UBXN8: variants seen among roughly 807,000 people sequenced by gnomAD.
UBXN8 encodes UBX domain protein 8.
In UBXN8, 27 loss-of-function variants were observed where a neutral mutation model predicts 32.1. The ratio of observed to expected loss-of-function variants is 0.84; its 90% CI spans 0.62 to 1.16. The LOEUF is 1.16. Among genes scored for constraint, UBXN8 ranks in the 50% most tolerant of loss-of-function variants. The pLI, the probability that UBXN8 is intolerant of heterozygous loss-of-function variation, is 0.00. For synonymous variants in UBXN8, 109 were observed against 111.8 expected (o/e 0.98, Z 0.16); for missense variants, 306 against 311.4 (o/e 0.98, Z 0.13).
chr8:30,744,089 C>A, upstream of UBXN8: 1 of 1,019,592 alleles, frequency 9.8e-7, no homozygotes, highest in Non-Finnish European at 1.5e-6. Flanking sequence ...CGTTATTGAC[C>A]CTCTCCCAGC....
At chr8:30,749,072 A>C (rs1805441510) in intron 1 of UBXN8, among the ~76,000 whole-genome samples, 1 of 152,174 alleles carries the variant, frequency 6.6e-6, no homozygotes, top group South Asian at 2.1e-4. Context: ...TTTCTGCTCA[A>C]ATAATTTTCA....
intron 6 of UBXN8, among the ~76,000 whole-genome samples, chr8:30,762,126 C>T (rs374722183): frequency 2.7e-5 from 4 of 148,640 alleles, no homozygotes; most frequent in East Asian, 2.0e-4. Context: ...TGTCTTGGCA[C>T]GATCATAGCT....
At chr8:30,729,149 G>T (rs1804888550), upstream of UBXN8, among the ~76,000 whole-genome samples, 1 of 152,250 alleles carries the variant, frequency 6.6e-6, no homozygotes, top group Non-Finnish European at 1.5e-5. Flanking sequence ...GGGGGCTTAG[G>T]CCTGCCCTGT....
intron 5 of UBXN8, among the ~76,000 whole-genome samples, chr8:30,758,957 G>T (rs1162847854): frequency 7.3e-6 from 1 of 136,792 alleles, no homozygotes; most frequent in Non-Finnish European, 1.5e-5. Context: ...GCAGTGGCGT[G>T]ATCTCGGCTC....
At chr8:30,747,894 C>CTTTTTTTTTT (rs67334347) in intron 1 of UBXN8, among the ~76,000 whole-genome samples, 238 of 35,610 alleles carry the variant, frequency 6.7e-3, no homozygotes, top group Middle Eastern at 0.042. Flanking sequence ...TATATTTTTT[C>CTTTTTTTTTT]TTTTTTTTTT....
In UBXN8 at chr8:30,753,054, G is replaced by A; in HGVS notation, c.231G>A (p.Glu77=). The part of the protein sequence containing the change: ...VYLKEEEEKN[E]KRQKLVRKKQ... ...TCTTAGAAGAAGAAGAAAAGAATGA[G>A]AAAAGACAAAAACTTGTGAGAAAAA... The change falls in exon 3 of 8, where the codon GAG becomes GAA. Residue 77 remains glutamate (E), a synonymous_variant. Coordinates refer to ENST00000265616, the MANE Select transcript of UBXN8 (RefSeq NM_005671.4). 1 of 1,526,586 alleles carries A rather than the reference G, an allele frequency of 6.6e-7. No individual in the cohort carries two copies. The highest frequency in any genetic ancestry group is 1.3e-5 in the South Asian group (1 of 76,524). 94.6% of individuals were successfully genotyped at this position (1,526,586 alleles called of 1,614,324 possible).
chr8:30,737,075 A>G (rs977012609), intron 1 of UBXN8, among the ~76,000 whole-genome samples: 2 of 152,326 alleles, frequency 1.3e-5, no homozygotes, highest in African/African-American at 4.8e-5. Flanking sequence ...ATTTTCATAT[A>G]TTTAGAAAAA....
At chr8:30,746,743 C>T (rs1206223418) in intron 1 of UBXN8, among the ~76,000 whole-genome samples, 1 of 138,548 alleles carries the variant, frequency 7.2e-6, no homozygotes, top group Non-Finnish European at 1.5e-5. Flanking sequence ...CCAGGTTGGT[C>T]TCCAACTCCT....
At chr8:30,737,849 A>G (rs1805102011) in intron 1 of UBXN8, among the ~76,000 whole-genome samples, 1 of 152,192 alleles carries the variant, frequency 6.6e-6, no homozygotes, top group African/African-American at 2.4e-5. Context: ...CCCTGTTAAA[A>G]CAACAACAAC....
At chr8:30,732,553 T>G (rs1164200640), upstream of UBXN8, 1 of 305,634 alleles carries the variant, frequency 3.3e-6, no homozygotes, top group Admixed American at 5.0e-5. Flanking sequence ...TTGTATGAGG[T>G]CACAAAGGGG....
At chr8:30,742,474 T>C (rs1009963518), upstream of UBXN8, among the ~76,000 whole-genome samples, 6 of 152,036 alleles carry the variant, frequency 3.9e-5, no homozygotes, top group African/African-American at 1.4e-4. Flanking sequence ...CCTCAGCCTC[T>C]TGAGTAGCTG....
chr8:30,761,953 G>C (rs1002450045), intron 6 of UBXN8, among the ~76,000 whole-genome samples: 6 of 151,776 alleles, frequency 4.0e-5, no homozygotes, highest in African/African-American at 1.5e-4. Context: ...ACTTCCTAAT[G>C]TATGGGGAGC....
chr8:30,731,908 GT>G (rs1270229380), upstream of UBXN8, among the ~76,000 whole-genome samples: 5 of 152,166 alleles, frequency 3.3e-5, no homozygotes, highest in Admixed American at 6.5e-5. Flanking sequence ...CTACAGGCTG[GT>G]ACAGGATTTG....
At chr8:30,761,571 G>T (rs571197893) in intron 6 of UBXN8, among the ~76,000 whole-genome samples, 12 of 152,136 alleles carry the variant, frequency 7.9e-5, no homozygotes, top group Non-Finnish European at 1.8e-4. Flanking sequence ...CAGAACTTTA[G>T]GTCAGAAAAT....
chr8:30,764,794 G>A (rs917335862), intron 7 of UBXN8, among the ~76,000 whole-genome samples: 1 of 152,188 alleles, frequency 6.6e-6, no homozygotes, highest in Non-Finnish European at 1.5e-5. Context: ...GCTCACGCCT[G>A]TAATCCCAGC....
chr8:30,758,649 G>T (rs749371715), intron 5 of UBXN8, among the ~76,000 whole-genome samples: 1 of 152,162 alleles, frequency 6.6e-6, no homozygotes, highest in Admixed American at 6.6e-5. Flanking sequence ...GAAAAAGATC[G>T]ATATGAACTA....
At chr8:30,743,763 G>A (rs1805273348), upstream of UBXN8, among the ~76,000 whole-genome samples, 1 of 152,190 alleles carries the variant, frequency 6.6e-6, no homozygotes, top group South Asian at 2.1e-4. Flanking sequence ...GGGAGATAAG[G>A]AAGGTGTTAT....
At chr8:30,756,441 G>A (rs752187333) in intron 4 of UBXN8, among the ~76,000 whole-genome samples, 4 of 151,914 alleles carry the variant, frequency 2.6e-5, no homozygotes, top group South Asian at 2.1e-4. Flanking sequence ...CACCATACCC[G>A]GCCAATTTTT....
chr8:30,755,243 C>T (rs1015046462), intron 4 of UBXN8, among the ~76,000 whole-genome samples: 5 of 152,138 alleles, frequency 3.3e-5, no homozygotes, highest in Non-Finnish European at 5.9e-5. Flanking sequence ...GCGTGAGCCA[C>T]TGAGCCCAGC....
Sources: allele counts gnomAD v4.1 joint callset (sites outside exome capture counted in the v4.1 genomes callset), GRCh38; gene constraint gnomAD v4.1.1; transcripts MANE v1.5; gene names NCBI Gene and HGNC (gene_info 2026-07-23, HGNC 2026-07-21).